The following PPFIA4 variants were observed in gnomAD, a reference collection of about 807,000 sequenced individuals.
PPFIA4 encodes liprin-alpha-4.
In PPFIA4, 98 loss-of-function variants were observed where a neutral mutation model predicts 145.7. The observed-to-expected ratio is 0.67, with a 90% CI of 0.57 to 0.80. The LOEUF is 0.80. Among genes scored for constraint, PPFIA4 ranks in the 30% least tolerant of loss-of-function variants. PPFIA4 has a pLI of 0.00. For missense variants in PPFIA4, 1,457 were observed against 1,632.7 expected (o/e 0.89, Z 1.85); for synonymous variants, 628 against 649.6 (o/e 0.97, Z 0.51).
chr1:203,053,669 C>A, intron 14 of PPFIA4, 84 bp from the exon 15 acceptor site: 2 of 1,152,782 alleles, frequency 1.7e-6, no homozygotes, highest in Admixed American at 4.1e-5. Flanking sequence ...GATGCCAGTG[C>A]TGGTGGGTAG....
chr1:203,040,728 C>T (rs1368248571), intron 2 of PPFIA4, among the ~76,000 whole-genome samples: 1 of 152,196 alleles, frequency 6.6e-6, no homozygotes, highest in Non-Finnish European at 1.5e-5. Flanking sequence ...TACATTGGCT[C>T]ATTTGACTCT....
At position 203,038,833 on chromosome 1, in the gene PPFIA4, C is replaced by T. The variant is rs903345163; in HGVS notation, c.-176C>T. Reference sequence around the variant, plus strand: ...CTCAGTTCCACAGGGGCACTCCAGACCCCAGGCCCCTTTCAGAGCAAAAGC... The same window carrying T: ...CTCAGTTCCACAGGGGCACTCCAGATCCCAGGCCCCTTTCAGAGCAAAAGC... On this transcript the variant is annotated 5_prime_UTR_variant, in exon 2 of 30. Transcript: ENST00000295706. 14 of 555,384 alleles carry T rather than the reference C, an allele frequency of 2.5e-5. No individual in the cohort carries two copies. The highest frequency in any genetic ancestry group is 4.5e-5 in the Non-Finnish European group (14 of 313,398). The allele number at this position is 555,384 out of a possible 1,614,324, so 34.4% of individuals were successfully genotyped here.
chr1:203,044,480 G>C (rs1342306186), intron 5 of PPFIA4, 27 bp downstream of exon 5: 1 of 1,545,244 alleles, frequency 6.5e-7, no homozygotes, highest in Non-Finnish European at 8.8e-7. Flanking sequence ...CCCTCAGTCT[G>C]CAGCTCCTGG....
At chr1:203,039,642 G>T (rs1164580455) in intron 2 of PPFIA4, among the ~76,000 whole-genome samples, 1 of 152,208 alleles carries the variant, frequency 6.6e-6, no homozygotes, top group East Asian at 1.9e-4. Context: ...CTCCGTTATT[G>T]CATAGATCAA....
Position 203,048,835 on chromosome 1 carries a change from G to A in PPFIA4, c.1357-83G>A. The A allele has an allele frequency of 6.5e-7, 1 of 1,532,674 alleles. No homozygotes were observed. 94.9% of individuals were successfully genotyped at this position (1,532,674 alleles called of 1,614,324 possible). On this transcript the variant is annotated intron_variant, in intron 11 of 29. Coordinates refer to ENST00000295706, the MANE Select transcript of PPFIA4 (RefSeq NM_001304331.2). The surrounding 1 kb of genome is among the most constrained non-coding windows in gnomAD (Gnocchi z 5.8). ...GGGTGGGTGGCCAGCCTGGAGAGGT[G>A]GGGCTGAGACTGCACACCCAGAGGC...
intron 24 of PPFIA4, chr1:203,063,025 A>G (rs4950913): frequency 0.47 from 72,091 of 152,136 alleles, 17,960 homozygotes; most frequent in South Asian, 0.55. Flanking sequence ...ATATAGTCTT[A>G]TATGTATCAG....
intron 24 of PPFIA4, 96 bp from the exon 25 acceptor site, chr1:203,063,732 G>T: frequency 7.9e-7 from 1 of 1,261,220 alleles, no homozygotes; most frequent in Middle Eastern, 1.9e-4. Context: ...ATGGGTGGAG[G>T]ATGGATTCAT....
chr1:203,061,551 C>A, intron 23 of PPFIA4, 101 bp from the exon 24 acceptor site: 1 of 1,233,896 alleles, frequency 8.1e-7, no homozygotes, highest in Non-Finnish European at 1.1e-6. Context: ...CAGCCAGATA[C>A]TGGGATGTCT....
chr1:203,048,851 AC>A lies in PPFIA4; in HGVS notation c.1357-64del, dbSNP rs1369503369. 8.8e-5 allele frequency: 135 copies of A among 1,535,870 alleles called. No homozygotes were observed. The highest frequency in any genetic ancestry group is 1.2e-4 in the Non-Finnish European group (134 of 1,138,038). On this transcript the variant is annotated intron_variant, in intron 11 of 29. Coordinates refer to ENST00000295706, the MANE Select transcript of PPFIA4 (RefSeq NM_001304331.2). The surrounding 1 kb of genome is among the most constrained non-coding windows in gnomAD (Gnocchi z 5.8). The stretch of plus-strand genomic sequence containing the variant: ...TGGAGAGGTGGGGCTGAGACTGCAC[AC>A]CCAGAGGCTCAGGTCTGGAATGGGA...
At chr1:203,045,683 C>A (rs1412090365) in intron 7 of PPFIA4, 124 bp downstream of exon 7, 7 of 1,442,502 alleles carry the variant, frequency 4.9e-6, no homozygotes, top group South Asian at 2.8e-5. Context: ...TGTTGGGGGG[C>A]GGTCATGGAA....
chr1:203,051,103 G>T, intron 13 of PPFIA4: 2 of 979,264 alleles, frequency 2.0e-6, no homozygotes, highest in South Asian at 4.7e-5. Context: ...AGTATCACTA[G>T]GGGAGGCTTC....
intron 9 of PPFIA4, among the ~76,000 whole-genome samples, chr1:203,046,693 G>A (rs1304379885): frequency 6.8e-6 from 1 of 147,224 alleles, no homozygotes; most frequent in East Asian, 2.0e-4. Flanking sequence ...CTACACCGTC[G>A]TGGTGAACAC....
At chr1:203,034,037 A>G (rs1659035294) in intron 1 of PPFIA4, among the ~76,000 whole-genome samples, 1 of 152,160 alleles carries the variant, frequency 6.6e-6, no homozygotes, top group Admixed American at 6.6e-5. Context: ...GTGTTAGAGT[A>G]CTCAGAGATG....
At chr1:203,056,690 TAGA>T (rs1660981196) in intron 18 of PPFIA4, 91 bp from the exon 19 acceptor site, 2 of 1,307,372 alleles carry the variant, frequency 1.5e-6, no homozygotes, top group African/African-American at 3.0e-5. Flanking sequence ...TCTGACTTAA[TAGA>T]AGTTCTTCCT....
chr1:203,048,820 C>T lies in PPFIA4; in HGVS notation c.1357-98C>T, dbSNP rs1218614760. 3 of 1,529,804 alleles carry T rather than the reference C, an allele frequency of 2.0e-6. No homozygotes were observed. Among genetic ancestry groups the T allele is most frequent in the Non-Finnish European group, 2.6e-6 (3 of 1,134,406 alleles). 94.8% of individuals were successfully genotyped at this position (1,529,804 alleles called of 1,614,324 possible). On this transcript the variant is annotated intron_variant, in intron 11 of 29. Transcript: ENST00000295706. The surrounding 1 kb of genome is among the most constrained non-coding windows in gnomAD (Gnocchi z 5.8). ...GGCGGGGTCTCAATGGGGTGGGTGG[C>T]CAGCCTGGAGAGGTGGGGCTGAGAC...
At chr1:203,062,715 C>T (rs1174392300) in intron 24 of PPFIA4, among the ~76,000 whole-genome samples, 1 of 152,070 alleles carries the variant, frequency 6.6e-6, no homozygotes, top group African/African-American at 2.4e-5. Flanking sequence ...ATGAAGAATG[C>T]AGATCCTAAA....
chr1:203,070,816 T>C (rs1466609493), intron 27 of PPFIA4, among the ~76,000 whole-genome samples: 1 of 152,164 alleles, frequency 6.6e-6, no homozygotes, highest in Non-Finnish European at 1.5e-5. Flanking sequence ...AAATCAGTCA[T>C]GTTCTGGTTA....
Position 203,063,954 on chromosome 1 carries a change from A to G in PPFIA4, c.3001A>G (p.Thr1001Ala). 17 of 1,613,892 alleles carry G rather than the reference A, an allele frequency of 1.1e-5. No individual in the cohort carries two copies. The highest frequency in any genetic ancestry group is 1.4e-5 in the Non-Finnish European group (16 of 1,179,866). ...LVDARMLDHLTKKDLRVHLKM... is the reference protein window; with the variant it reads ...LVDARMLDHLAKKDLRVHLKM... The stretch of plus-strand genomic sequence containing the variant: ...GGACGCCCGCATGCTGGACCACCTC[A>G]CCAAGAAGGACCTGCGGGTCCACCT... The change falls in exon 25 of 30, where the codon ACC becomes GCC. Residue 1001 changes from threonine to alanine, a missense_variant. By Grantham distance (58) the Thr-to-Ala change is moderately conservative (BLOSUM62 0). This residue lies in a region of PPFIA4 where 848 missense variants were observed against 1,046.7 expected (regional missense o/e 0.81). Transcript: ENST00000295706.
At chr1:203,049,791 C>A (rs769546038) in intron 13 of PPFIA4, 24 bp downstream of exon 13, 7 of 1,513,716 alleles carry the variant, frequency 4.6e-6, no homozygotes, top group Non-Finnish European at 5.3e-6. Context: ...AGAGGCTGGG[C>A]ATGCCAGGAC....
Sources: allele counts gnomAD v4.1 joint callset (sites outside exome capture counted in the v4.1 genomes callset), GRCh38; gene constraint gnomAD v4.1.1; regional missense constraint gnomAD v4.1.1; non-coding constraint Gnocchi (gnomAD v3.1); transcripts MANE v1.5; gene names NCBI Gene and HGNC (gene_info 2026-07-23, HGNC 2026-07-21).